The following MSRA variants were observed in gnomAD, a reference collection of about 807,000 sequenced individuals.
MSRA encodes the protein mitochondrial peptide methionine sulfoxide reductase.
Under a neutral mutation model 31.3 loss-of-function variants are expected in MSRA, and 54 were observed. That is an observed-to-expected ratio of 1.73 (90% CI 1.39 to 2.17). MSRA has a LOEUF of 2.17. Ranked by LOEUF, MSRA falls within the 30% of genes most tolerant of loss-of-function variation. The pLI, the probability that MSRA is intolerant of heterozygous loss-of-function variation, is 0.00. For missense variants in MSRA, 507 were observed against 300.9 expected, an observed-to-expected ratio of 1.69 and a Z score of -5.07; for synonymous variants, 169 against 116.5, an observed-to-expected ratio of 1.45 and a Z score of -2.90.
At chr8:10,405,061 G>C (rs952687704) in intron 5 of MSRA, among the ~76,000 whole-genome samples, 4 of 152,298 alleles carry the variant, frequency 2.6e-5, no homozygotes, top group African/African-American at 9.6e-5. Context: ...TCTGGTGGAT[G>C]TCGGACAGGA....
intron 5 of MSRA, among the ~76,000 whole-genome samples, chr8:10,365,172 C>G (rs1448638511): frequency 6.8e-6 from 1 of 146,228 alleles, no homozygotes; most frequent in Non-Finnish European, 1.5e-5. Flanking sequence ...AAAGTCGAGA[C>G]TGGAAGAAGC....
In MSRA at chr8:10,249,229, GGTTA is replaced by G. The variant is rs1797789378; in HGVS notation, c.331+4009_331+4012del. The stretch of plus-strand genomic sequence containing the variant: ...ACAGAAAGAAAATGCAATGAAATCA[GGTTA>G]GTCAGGCAGACAGTTCTAATTCTTA... On this transcript the variant is annotated intron_variant, in intron 3 of 5. Coordinates refer to ENST00000317173, the MANE Select transcript of MSRA (RefSeq NM_012331.5). 7.9e-5 allele frequency among the ~76,000 whole-genome samples: 12 copies of G among 152,200 alleles called. No homozygotes were observed. The South Asian group carries it at 2.5e-3, about 31-fold the overall frequency.
At chr8:10,361,057 T>G (rs1401190352) in intron 5 of MSRA, among the ~76,000 whole-genome samples, 14 of 152,258 alleles carry the variant, frequency 9.2e-5, no homozygotes, top group Admixed American at 9.2e-4. Context: ...GTTGGACAAC[T>G]CCTTGGTGGC....
intron 3 of MSRA, among the ~76,000 whole-genome samples, chr8:10,290,536 A>C (rs890667520): frequency 6.6e-6 from 1 of 152,302 alleles, no homozygotes; most frequent in East Asian, 1.9e-4. Context: ...TTGCATCAGA[A>C]GCACCCATGG....
At chr8:10,158,089 G>C (rs565679772) in intron 1 of MSRA, among the ~76,000 whole-genome samples, 1 of 152,126 alleles carries the variant, frequency 6.6e-6, no homozygotes, top group Admixed American at 6.5e-5. Context: ...ACCTTCTTAC[G>C]GTGTCCTCAC....
chr8:10,054,542 G>A lies in MSRA; in HGVS notation c.26G>A (p.Cys9Tyr), dbSNP rs1394307543. Residue 9 changes from cysteine (C) to tyrosine (Y), a missense_variant, in exon 1 of 6, where the codon TGC becomes TAC. Cys to Tyr is a radical substitution (Grantham distance 194). Coordinates refer to ENST00000317173, the MANE Select transcript of MSRA (RefSeq NM_012331.5). ...ATGCTCTCGGCCACCCGGAGGGCTT[G>A]CCAGCTCCTCCTCCTCCACAGCCTC... Reference protein sequence around the residue: MLSATRRACQLLLLHSLFP... With the variant: MLSATRRAYQLLLLHSLFP... The A allele has an allele frequency of 3.2e-6, 5 of 1,586,156 alleles. No homozygotes were observed. In the African/African-American group the frequency reaches 6.9e-5, roughly 22 times the overall value.
intron 2 of MSRA, among the ~76,000 whole-genome samples, chr8:10,210,186 C>T (rs1809353012): frequency 6.6e-6 from 1 of 152,136 alleles, no homozygotes; most frequent in South Asian, 2.1e-4. Flanking sequence ...TTTCATCCTG[C>T]CAGCCTCTTG....
chr8:10,078,648 G>C lies in MSRA; in HGVS notation c.142+23990G>C, dbSNP rs79626611. ...CCCTGCAGAAGATCTGCTTTCAGCAGGAGAGGCTGAGGCCCACGGGAGGAG... is the reference window on the plus strand; with the variant it reads ...CCCTGCAGAAGATCTGCTTTCAGCACGAGAGGCTGAGGCCCACGGGAGGAG... On this transcript the variant is annotated intron_variant, in intron 1 of 5. Coordinates refer to ENST00000317173, the MANE Select transcript of MSRA (RefSeq NM_012331.5). 8.5e-4 allele frequency among the ~76,000 whole-genome samples: 129 copies of C among 152,396 alleles called. No homozygotes were observed. In the East Asian group the frequency reaches 0.018, roughly 21 times the overall value.
chr8:10,313,632 C>A (rs1359306531), intron 4 of MSRA, among the ~76,000 whole-genome samples: 1 of 152,182 alleles, frequency 6.6e-6, no homozygotes, highest in Middle Eastern at 3.2e-3. Flanking sequence ...GAGATCCCAA[C>A]AGTTTTGTTG....
intron 1 of MSRA, among the ~76,000 whole-genome samples, chr8:10,160,782 C>T (rs547873564): frequency 2.6e-5 from 4 of 152,170 alleles, no homozygotes; most frequent in Non-Finnish European, 5.9e-5. Flanking sequence ...CACCCCTTGG[C>T]CTCCCAAAGT....
chr8:10,285,283 A>G (rs1375725426), intron 3 of MSRA, among the ~76,000 whole-genome samples: 1 of 152,182 alleles, frequency 6.6e-6, no homozygotes, highest in Non-Finnish European at 1.5e-5. Context: ...TTAATTTGAC[A>G]GTATTTTTAA....
At chr8:10,067,092 G>C (rs1797490677) in intron 1 of MSRA, among the ~76,000 whole-genome samples, 1 of 152,088 alleles carries the variant, frequency 6.6e-6, no homozygotes, top group Non-Finnish European at 1.5e-5. Context: ...ACAGATGCAT[G>C]ATGATATGTA....
chr8:10,158,334 C>G (rs1022073730), intron 1 of MSRA, among the ~76,000 whole-genome samples: 32 of 152,214 alleles, frequency 2.1e-4, no homozygotes, highest in African/African-American at 7.5e-4. Context: ...GTTTGCATTA[C>G]CTCAAAAAGA....
chr8:10,239,094 T>C (rs1021345053), intron 2 of MSRA, among the ~76,000 whole-genome samples: 1 of 151,326 alleles, frequency 6.6e-6, no homozygotes, highest in Non-Finnish European at 1.5e-5. Flanking sequence ...TATAAACGAG[T>C]GTACGTGAGT....
At chr8:10,124,234 C>A (rs1375464505) in intron 1 of MSRA, among the ~76,000 whole-genome samples, 1 of 152,178 alleles carries the variant, frequency 6.6e-6, no homozygotes, top group East Asian at 1.9e-4. Flanking sequence ...ACAGGGAGAT[C>A]ATTGGCAAAG....
At chr8:10,327,487 GT>G (rs1323018934) in intron 5 of MSRA, among the ~76,000 whole-genome samples, 1 of 152,148 alleles carries the variant, frequency 6.6e-6, no homozygotes, top group African/African-American at 2.4e-5. Flanking sequence ...TAAAGGTTCA[GT>G]TTTGATTATT....
At chr8:10,352,126 A>G (rs1488970774) in intron 5 of MSRA, among the ~76,000 whole-genome samples, 2 of 152,326 alleles carry the variant, frequency 1.3e-5, no homozygotes, top group South Asian at 2.1e-4. Flanking sequence ...GGCATCAGCT[A>G]TTTTGTGTGC....
At chr8:10,420,104 T>C (rs541339568) in intron 5 of MSRA, among the ~76,000 whole-genome samples, 12 of 152,104 alleles carry the variant, frequency 7.9e-5, no homozygotes, top group Non-Finnish European at 1.5e-4. Context: ...TGTGCAGCCT[T>C]AAAAAGAAAG....
intron 2 of MSRA, among the ~76,000 whole-genome samples, chr8:10,211,367 C>T (rs182591767): frequency 1.3e-5 from 2 of 152,126 alleles, no homozygotes; most frequent in Non-Finnish European, 1.5e-5. Context: ...GGTTTTTCTG[C>T]CCCCATCATT....
Sources: allele counts gnomAD v4.1 joint callset (sites outside exome capture counted in the v4.1 genomes callset), GRCh38; gene constraint gnomAD v4.1.1; transcripts MANE v1.5; gene names NCBI Gene and HGNC (gene_info 2026-07-23, HGNC 2026-07-21).